Variants in RBFOX1 observed in about 807,000 individuals in gnomAD.
The protein encoded by RBFOX1 is RNA binding protein fox-1 homolog 1.
RBFOX1 carries 8 observed loss-of-function variants against 57.7 expected under a neutral mutation model. The observed-to-expected ratio is 0.14, with a 90% CI of 0.08 to 0.25. RBFOX1 has a LOEUF of 0.25. RBFOX1 is among the 10% of genes least tolerant of loss of function. RBFOX1 has a pLI of 1.00. For synonymous variants in RBFOX1, 326 were observed against 222.4 expected (o/e 1.47, Z -4.15); for missense variants, 611 against 548.5 (o/e 1.11, Z -1.14).
At chr16:6,932,902 T>A (rs910065457) in intron 3 of RBFOX1, among the ~76,000 whole-genome samples, 1 of 152,212 alleles carries the variant, frequency 6.6e-6, no homozygotes, top group South Asian at 2.1e-4. Flanking sequence ...ACTCCCATTA[T>A]GTCTTCCCCC....
intron 3 of RBFOX1, among the ~76,000 whole-genome samples, chr16:6,753,120 C>G (rs1336104566): frequency 6.6e-6 from 1 of 152,008 alleles, no homozygotes; most frequent in Non-Finnish European, 1.5e-5. Flanking sequence ...ATCATGTATA[C>G]TGAAACTTGT....
At chr16:6,538,909 A>G (rs533692666) in intron 2 of RBFOX1, among the ~76,000 whole-genome samples, 8 of 152,084 alleles carry the variant, frequency 5.3e-5, no homozygotes, top group African/African-American at 1.9e-4. Context: ...TGATTTTACC[A>G]TTGTCTGTTC....
intron 4 of RBFOX1, among the ~76,000 whole-genome samples, chr16:7,181,194 G>A (rs537365509): frequency 1.4e-3 from 216 of 152,214 alleles, no homozygotes; most frequent in Admixed American, 2.3e-3. Context: ...TGAACCTTGC[G>A]TAGTCACAAT....
chr16:6,946,074 C>T (rs1057085753), intron 3 of RBFOX1, among the ~76,000 whole-genome samples: 2 of 152,210 alleles, frequency 1.3e-5, no homozygotes, highest in Non-Finnish European at 2.9e-5. Flanking sequence ...ACCCTTTCCC[C>T]AGCAACCTTC....
intron 3 of RBFOX1, among the ~76,000 whole-genome samples, chr16:5,783,147 G>C (rs888144670): frequency 6.9e-6 from 1 of 145,688 alleles, no homozygotes; most frequent in African/African-American, 2.5e-5. Flanking sequence ...TTTAAATTGT[G>C]ATACGATTTA....
intron 4 of RBFOX1, among the ~76,000 whole-genome samples, chr16:7,491,701 G>A (rs1232783261): frequency 2.0e-5 from 3 of 152,066 alleles, no homozygotes; most frequent in Non-Finnish European, 2.9e-5. Context: ...CATGATTGTG[G>A]CTCACAGCAG....
At chr16:6,601,736 G>C (rs992323973) in intron 2 of RBFOX1, among the ~76,000 whole-genome samples, 2 of 151,982 alleles carry the variant, frequency 1.3e-5, no homozygotes, top group African/African-American at 2.4e-5. Flanking sequence ...TATTTGTTGA[G>C]GTCAAGAGCA....
chr16:6,331,707 G>T (rs1370300087), intron 2 of RBFOX1, among the ~76,000 whole-genome samples: 2 of 151,732 alleles, frequency 1.3e-5, no homozygotes, highest in East Asian at 3.9e-4. Flanking sequence ...GTGCATCAGA[G>T]AGTGCCACCA....
At chr16:7,673,798 C>A (rs776627097) in intron 13 of RBFOX1, among the ~76,000 whole-genome samples, 1 of 152,114 alleles carries the variant, frequency 6.6e-6, no homozygotes, top group Non-Finnish European at 1.5e-5. Flanking sequence ...TGAATGGGAG[C>A]GTAGAACTAT....
At chr16:5,642,565 C>G (rs1481484762) in intron 3 of RBFOX1, among the ~76,000 whole-genome samples, 3 of 152,144 alleles carry the variant, frequency 2.0e-5, no homozygotes, top group Non-Finnish European at 4.4e-5. Flanking sequence ...TTATTCCCAT[C>G]AGGTGCGGTG....
chr16:6,795,602 C>G (rs1258267347), intron 3 of RBFOX1, among the ~76,000 whole-genome samples: 1 of 151,808 alleles, frequency 6.6e-6, no homozygotes, highest in Non-Finnish European at 1.5e-5. Context: ...CCTGTCTCTA[C>G]TAAAAATACA....
At chr16:7,417,662 C>T (rs908229476) in intron 4 of RBFOX1, among the ~76,000 whole-genome samples, 12 of 152,192 alleles carry the variant, frequency 7.9e-5, no homozygotes, top group Non-Finnish European at 1.5e-4. Flanking sequence ...TCTACTCTTT[C>T]GTCCCTGCAG....
chr16:6,656,451 C>T lies in RBFOX1; in HGVS notation c.-16+1801C>T, dbSNP rs906240876. On this transcript the variant is annotated intron_variant, in intron 3 of 15. Transcript: ENST00000550418. ...GAGAGTCACCCAAGCTCCACTCCAC[C>T]TATGTGAACTGCCTTTGGTTAAGAC... Among the ~76,000 whole-genome samples the T allele has an allele frequency of 2.6e-5, 4 of 152,088 alleles. No individual in the cohort carries two copies. In the South Asian group the frequency reaches 8.3e-4, roughly 32 times the overall value.
At chr16:6,171,841 A>G (rs893191047) in intron 1 of RBFOX1, among the ~76,000 whole-genome samples, 4 of 140,646 alleles carry the variant, frequency 2.8e-5, no homozygotes, top group African/African-American at 1.2e-4. Context: ...TATTCTTTTA[A>G]GACAGAGTCT....
intron 4 of RBFOX1, among the ~76,000 whole-genome samples, chr16:5,978,333 T>TA (rs2060108030): frequency 1.3e-5 from 2 of 151,384 alleles, no homozygotes; most frequent in South Asian, 4.2e-4. Context: ...AAAATAAAAA[T>TA]AAAAAATAAA....
chr16:7,546,546 G>C (rs552486791), intron 5 of RBFOX1, among the ~76,000 whole-genome samples: 1 of 152,066 alleles, frequency 6.6e-6, no homozygotes, highest in Admixed American at 6.5e-5. Context: ...TGACCACCTG[G>C]TTGTTTATCT....
chr16:7,575,782 G>C (rs752243368), intron 5 of RBFOX1, among the ~76,000 whole-genome samples: 2 of 152,120 alleles, frequency 1.3e-5, no homozygotes, highest in Non-Finnish European at 2.9e-5. Flanking sequence ...GAAGGTCCCA[G>C]AAAAAAGAGA....
At chr16:6,486,294 C>A (rs568129386) in intron 2 of RBFOX1, among the ~76,000 whole-genome samples, 3 of 151,964 alleles carry the variant, frequency 2.0e-5, no homozygotes, top group African/African-American at 7.2e-5. Flanking sequence ...ACAAATATTA[C>A]AACATCTAGT....
chr16:6,738,113 T>C (rs866370216), intron 3 of RBFOX1, among the ~76,000 whole-genome samples: 4 of 151,724 alleles, frequency 2.6e-5, no homozygotes, highest in Non-Finnish European at 5.9e-5. Flanking sequence ...TTTCCTCTTG[T>C]CAAGATGGTG....
Sources: gnomAD v4.1 joint callset for allele counts (sites outside exome capture counted in the v4.1 genomes callset) on GRCh38, gnomAD v4.1.1 for gene constraint, MANE v1.5 for transcripts, NCBI Gene and HGNC (gene_info 2026-07-23, HGNC 2026-07-21) for gene names.